FSTL5: variants seen among roughly 807,000 people sequenced by gnomAD.
The protein encoded by FSTL5 is follistatin-related protein 5.
Under a neutral mutation model 89.1 loss-of-function variants are expected in FSTL5, and 62 were observed. The ratio of observed to expected loss-of-function variants is 0.70; its 90% CI spans 0.57 to 0.86. The LOEUF is 0.86. Among genes scored for constraint, FSTL5 ranks in the 40% least tolerant of loss-of-function variants. FSTL5 has a pLI of 0.00. For missense variants in FSTL5, 1,057 were observed against 1,001.6 expected, an observed-to-expected ratio of 1.06 and a Z score of -0.75; for synonymous variants, 383 against 346.2, an observed-to-expected ratio of 1.11 and a Z score of -1.18.
chr4:161,916,693 A>T (rs1039039196), intron 4 of FSTL5, among the ~76,000 whole-genome samples: 4 of 152,156 alleles, frequency 2.6e-5, no homozygotes, highest in Non-Finnish European at 5.9e-5. Context: ...TTTTATCTAT[A>T]GTTCTACAAA....
intron 4 of FSTL5, among the ~76,000 whole-genome samples, chr4:161,865,657 T>C (rs900908441): frequency 2.0e-5 from 3 of 152,182 alleles, no homozygotes; most frequent in Non-Finnish European, 4.4e-5. Context: ...TTCCATAACC[T>C]TTCAAAAGTC....
At chr4:161,749,337 T>A (rs1390962178) in intron 6 of FSTL5, among the ~76,000 whole-genome samples, 1 of 152,168 alleles carries the variant, frequency 6.6e-6, no homozygotes, top group Non-Finnish European at 1.5e-5. Context: ...TACCGTGAAA[T>A]ACTATGCAGT....
chr4:161,633,413 C>A lies in FSTL5; in HGVS notation c.894+22915G>T, dbSNP rs537772879. Among the ~76,000 whole-genome samples, 25 of 151,674 alleles carry A rather than the reference C, an allele frequency of 1.6e-4. No individual in the cohort carries two copies. The South Asian group carries it at 4.8e-3, about 29-fold the overall frequency. The stretch of plus-strand genomic sequence containing the variant: ...CCAGTTTGGAGTGCAGTGGCGCGAT[C>A]GCGGCTCACTGCAACCTCTGCCTCC... On this transcript the variant is annotated intron_variant, in intron 7 of 15. Transcript: ENST00000306100.
chr4:161,567,668 A>T (rs1413344953), intron 8 of FSTL5, among the ~76,000 whole-genome samples: 3 of 152,178 alleles, frequency 2.0e-5, no homozygotes, highest in Non-Finnish European at 1.5e-5. Context: ...AACAAGATGC[A>T]GTACATTCAA....
rs1445631608 is a variant in FSTL5 at position 161,619,665 on chromosome 4, C to T, written c.895-32090G>A. Among the ~76,000 whole-genome samples the T allele has an allele frequency of 2.0e-5, 3 of 152,020 alleles. No individual in the cohort carries two copies. In the East Asian group the frequency reaches 5.8e-4, roughly 29 times the overall value. On this transcript the variant is annotated intron_variant, in intron 7 of 15. Transcript: ENST00000306100. ...TACCATCTCACACCAGTTAGAATGGCAATCATTAAAAAGTCAGGAAACAAC... is the reference window on the plus strand; with the variant it reads ...TACCATCTCACACCAGTTAGAATGGTAATCATTAAAAAGTCAGGAAACAAC...
intron 6 of FSTL5, among the ~76,000 whole-genome samples, chr4:161,676,747 G>GCA (rs148353944): frequency 0.024 from 3,460 of 143,258 alleles, 114 homozygotes; most frequent in African/African-American, 0.073. Flanking sequence ...ATACATACAC[G>GCA]CACACACACA....
chr4:161,841,153 C>T (rs887472947), intron 4 of FSTL5, among the ~76,000 whole-genome samples: 8 of 152,156 alleles, frequency 5.3e-5, no homozygotes, highest in Non-Finnish European at 1.5e-5. Flanking sequence ...GTTCACACTT[C>T]TATAAACAGT....
intron 6 of FSTL5, among the ~76,000 whole-genome samples, chr4:161,717,881 A>G (rs1444625360): frequency 1.3e-5 from 2 of 152,172 alleles, no homozygotes; most frequent in Non-Finnish European, 2.9e-5. Flanking sequence ...TTCCTGTACA[A>G]TAGGTTATAG....
intron 3 of FSTL5, among the ~76,000 whole-genome samples, chr4:161,930,173 C>T (rs1478676674): frequency 6.6e-6 from 1 of 151,784 alleles, no homozygotes; most frequent in East Asian, 1.9e-4. Flanking sequence ...AAAATACTCC[C>T]ACAGTGTCTG....
intron 7 of FSTL5, among the ~76,000 whole-genome samples, chr4:161,647,749 G>A (rs112816777): frequency 7.6e-4 from 115 of 152,212 alleles, no homozygotes; most frequent in African/African-American, 2.7e-3. Context: ...GTAGAAGAGG[G>A]TATGGTCCGT....
At chr4:161,817,022 T>C (rs1237993460) in intron 4 of FSTL5, among the ~76,000 whole-genome samples, 3 of 152,184 alleles carry the variant, frequency 2.0e-5, no homozygotes, top group Non-Finnish European at 4.4e-5. Context: ...ATAATTTTAA[T>C]TATCAAATCA....
chr4:161,639,767 G>A (rs78045100), intron 7 of FSTL5, among the ~76,000 whole-genome samples: 1 of 152,072 alleles, frequency 6.6e-6, no homozygotes, highest in East Asian at 1.9e-4. Flanking sequence ...CAGCTTACAG[G>A]AGCCATGGCT....
chr4:162,100,620 A>T (rs1166582965), intron 2 of FSTL5, among the ~76,000 whole-genome samples: 1 of 152,216 alleles, frequency 6.6e-6, no homozygotes. Flanking sequence ...CAAAACCCCT[A>T]GAATATACAA....
intron 15 of FSTL5, among the ~76,000 whole-genome samples, chr4:161,395,541 A>G (rs1730968246): frequency 6.6e-6 from 1 of 152,174 alleles, no homozygotes; most frequent in Admixed American, 6.5e-5. Flanking sequence ...TTAACATTTT[A>G]TAATTAGATT....
At position 161,920,557 on chromosome 4, in the gene FSTL5, C is replaced by T; in HGVS notation, c.256G>A (p.Glu86Lys). The T allele has an allele frequency of 2.5e-6, 4 of 1,613,988 alleles. No homozygotes were observed. Among genetic ancestry groups the T allele is most frequent in the South Asian group, 1.1e-5 (1 of 91,084 alleles). Residue 86 changes from glutamate (E) to lysine (K), a missense_variant, in exon 4 of 16, where the codon GAA becomes AAA. Around this residue, in one of 3 missense-constraint regions of FSTL5, gnomAD observed 980 missense variants for 903.2 expected, o/e 1.08. Transcript: ENST00000306100. ...TTGCAAAGGTCCATACAGGCACATTCTGCTTGCCCTGTCTCTCTGCTGGTA... is the reference window on the plus strand; with the variant it reads ...TTGCAAAGGTCCATACAGGCACATTTTGCTTGCCCTGTCTCTCTGCTGGTA... ...CVTSRETGQA[E>K]CACMDLCKRH...
intron 13 of FSTL5, among the ~76,000 whole-genome samples, chr4:161,479,381 C>G (rs920936340): frequency 1.3e-5 from 2 of 152,066 alleles, no homozygotes; most frequent in African/African-American, 4.8e-5. Flanking sequence ...GATGTTAGCT[C>G]TTTCCACTTT....
chr4:161,586,435 T>C (rs1037868685), intron 8 of FSTL5, among the ~76,000 whole-genome samples: 6 of 152,168 alleles, frequency 3.9e-5, no homozygotes, highest in African/African-American at 1.4e-4. Flanking sequence ...TTCCTTCAAA[T>C]TCCTTAGCAT....
At chr4:161,439,413 G>T (rs922475037) in intron 15 of FSTL5, among the ~76,000 whole-genome samples, 5 of 152,172 alleles carry the variant, frequency 3.3e-5, no homozygotes, top group Admixed American at 3.3e-4. Context: ...CCAGACTACG[G>T]TTTGTTTCTC....
chr4:162,124,706 TG>T (rs1732001583), intron 1 of FSTL5, among the ~76,000 whole-genome samples: 3 of 149,774 alleles, frequency 2.0e-5, no homozygotes, highest in African/African-American at 7.6e-5. Context: ...TTTTTTTGTT[TG>T]TTTTTTTTCT....
Sources: allele counts gnomAD v4.1 joint callset (sites outside exome capture counted in the v4.1 genomes callset), GRCh38; gene constraint gnomAD v4.1.1; regional missense constraint gnomAD v4.1.1; transcripts MANE v1.5; gene names NCBI Gene and HGNC (gene_info 2026-07-23, HGNC 2026-07-21).